INPP5A: variants seen among roughly 807,000 people sequenced by gnomAD.
INPP5A encodes the protein 43 kDa inositol polyphosphate 5-phophatase.
A neutral mutation model predicts 65.2 loss-of-function variants in INPP5A; 14 were observed. The ratio of observed to expected loss-of-function variants is 0.21; its 90% CI spans 0.14 to 0.34. The LOEUF is 0.34. Among genes scored for constraint, INPP5A ranks in the 10% least tolerant of loss-of-function variants. INPP5A has a pLI of 1.00. For synonymous variants in INPP5A, 207 were observed against 208.3 expected (o/e 0.99, Z 0.05); for missense variants, 431 against 545.6 (o/e 0.79, Z 2.09).
At chr10:132,656,802 TGCTCAGGTG>T (rs933451783) in intron 4 of INPP5A, among the ~76,000 whole-genome samples, 4 of 152,188 alleles carry the variant, frequency 2.6e-5, no homozygotes, top group African/African-American at 9.7e-5. Flanking sequence ...CTTCCACAGC[TGCTCAGGTG>T]GCCCGGAGGC....
chr10:132,562,212 A>T (rs2071214868), intron 1 of INPP5A, among the ~76,000 whole-genome samples: 1 of 152,240 alleles, frequency 6.6e-6, no homozygotes. Context: ...AGTTGGTGCC[A>T]GGCATGACCT....
At chr10:132,567,728 T>A (rs2071289626) in intron 1 of INPP5A, among the ~76,000 whole-genome samples, 1 of 152,210 alleles carries the variant, frequency 6.6e-6, no homozygotes, top group Non-Finnish European at 1.5e-5. Flanking sequence ...GTCCAACGAT[T>A]CCAGCTTTTT....
intron 1 of INPP5A, among the ~76,000 whole-genome samples, chr10:132,565,677 GTGTT>G (rs1564918179): frequency 1.3e-5 from 2 of 151,992 alleles, no homozygotes; most frequent in Non-Finnish European, 2.9e-5. Context: ...ATGTGTGGGT[GTGTT>G]TGTGTGAGTG....
intron 1 of INPP5A, among the ~76,000 whole-genome samples, chr10:132,589,061 A>G (rs1437308669): frequency 2.0e-5 from 3 of 149,764 alleles, no homozygotes; most frequent in African/African-American, 7.4e-5. Flanking sequence ...TGTCGCCATC[A>G]GTGGTCACTG....
chr10:132,766,120 C>CTGTGCATCTGTGTGTGCACG (rs879578793), intron 12 of INPP5A, among the ~76,000 whole-genome samples: 13 of 151,446 alleles, frequency 8.6e-5, no homozygotes, highest in East Asian at 2.0e-4. Context: ...GTGTGTGCAC[C>CTGTGCATCTGTGTGTGCACG]TGTGCATCTG....
intron 2 of INPP5A, among the ~76,000 whole-genome samples, chr10:132,624,537 C>T (rs1279349667): frequency 2.0e-5 from 3 of 150,910 alleles, no homozygotes; most frequent in Non-Finnish European, 4.4e-5. Flanking sequence ...TCTGCACTTC[C>T]CACTGGCGTG....
At chr10:132,750,173 G>A (rs777482672) in intron 11 of INPP5A, among the ~76,000 whole-genome samples, 2 of 152,256 alleles carry the variant, frequency 1.3e-5, no homozygotes, top group African/African-American at 4.8e-5. Context: ...AGAGTGAACC[G>A]GCCGGGCCTC....
chr10:132,717,299 G>A (rs1008796180), intron 8 of INPP5A, among the ~76,000 whole-genome samples: 3 of 151,614 alleles, frequency 2.0e-5, no homozygotes, highest in Admixed American at 6.6e-5. Context: ...TTGGGGCTCC[G>A]AGGCTGGGAC....
intron 11 of INPP5A, among the ~76,000 whole-genome samples, chr10:132,759,492 A>C (rs1846691630): frequency 6.6e-6 from 1 of 152,202 alleles, no homozygotes; most frequent in African/African-American, 2.4e-5. Context: ...ACCTGCACCA[A>C]CAGGCGTTAG....
intron 8 of INPP5A, among the ~76,000 whole-genome samples, chr10:132,717,169 G>C (rs1195755995): frequency 6.6e-6 from 1 of 152,246 alleles, no homozygotes; most frequent in Non-Finnish European, 1.5e-5. Flanking sequence ...GGTGGAGGGA[G>C]GGAGGGAGGG....
chr10:132,775,992 CAATGG>C (rs1353687924), intron 12 of INPP5A, among the ~76,000 whole-genome samples: 2 of 151,958 alleles, frequency 1.3e-5, no homozygotes, highest in African/African-American at 4.8e-5. Flanking sequence ...TGTGCGGATG[CAATGG>C]ACATGTGTCC....
chr10:132,701,923 G>A (rs1845443972), intron 6 of INPP5A, among the ~76,000 whole-genome samples: 1 of 152,250 alleles, frequency 6.6e-6, no homozygotes, highest in African/African-American at 2.4e-5. Context: ...GGAAATGAGG[G>A]TGGTACCTGT....
intron 4 of INPP5A, among the ~76,000 whole-genome samples, chr10:132,688,875 A>C (rs1003330206): frequency 6.6e-6 from 1 of 150,390 alleles, no homozygotes; most frequent in Non-Finnish European, 1.5e-5. Flanking sequence ...TTAGTGCATG[A>C]GTGTATGAGT....
At position 132,704,666 on chromosome 10, in the gene INPP5A, G is replaced by A. The variant is rs1027162909; in HGVS notation, c.475-3647G>A. 3.9e-5 allele frequency among the ~76,000 whole-genome samples: 6 copies of A among 152,068 alleles called. No individual in the cohort carries two copies. Among genetic ancestry groups the A allele is most frequent in the Admixed American group, 1.3e-4 (2 of 15,272 alleles). ...TGTGGATCCTGTGCGTGGCTGGGCC[G>A]TGGGGGGGCAGTGGCTGTTCCAGGT... On this transcript the variant is annotated intron_variant, in intron 6 of 15. Transcript: ENST00000368594. This position sits in a 1 kb window ranked among gnomAD's most constrained non-coding sequence, Gnocchi z 4.5.
intron 5 of INPP5A, 148 bp downstream of exon 5, chr10:132,690,603 C>G (rs1467441804): frequency 1.6e-6 from 1 of 626,010 alleles, no homozygotes; most frequent in Admixed American, 2.9e-5. Context: ...ACTCCAGGGG[C>G]CTCCTGGACC....
rs1252070344 is a variant in INPP5A at position 132,751,932 on chromosome 10, G to A, written c.903+2087G>A. Among the ~76,000 whole-genome samples, 4 of 135,498 alleles carry A rather than the reference G, an allele frequency of 3.0e-5. No homozygotes were observed. In the East Asian group the frequency reaches 8.6e-4, roughly 29 times the overall value. 88.9% of individuals were successfully genotyped at this position (135,498 alleles called of 152,430 possible). On this transcript the variant is annotated intron_variant, in intron 11 of 15. Transcript: ENST00000368594. ...GGTGCCCAGGAGGTGTCTGGGTAGA[G>A]GCGGGTGCCCAGGAGGCGTCTGCGT...
chr10:132,631,902 G>A (rs2072280107), intron 2 of INPP5A, among the ~76,000 whole-genome samples: 1 of 152,212 alleles, frequency 6.6e-6, no homozygotes. Context: ...TTTCACTGTA[G>A]AATTTTGGTG....
rs1310165035 is a variant in INPP5A, at chr10:132,538,950, A to T, written c.75+779A>T. Among the ~76,000 whole-genome samples the T allele has an allele frequency of 6.6e-6, 1 of 152,012 alleles. No homozygotes were observed. Among genetic ancestry groups the T allele is most frequent in the Non-Finnish European group, 1.5e-5 (1 of 67,988 alleles). Reference sequence around the variant, plus strand: ...CCTCAGGCCCCAGCTTATGGCCCTGAACACTTGTCCTTGACCCCTGAACCT... The same window carrying T: ...CCTCAGGCCCCAGCTTATGGCCCTGTACACTTGTCCTTGACCCCTGAACCT... On this transcript the variant is annotated intron_variant, in intron 1 of 15. Transcript: ENST00000368594. The surrounding 1 kb of genome is among the most constrained non-coding windows in gnomAD (Gnocchi z 4.1).
At position 132,637,009 on chromosome 10, in the gene INPP5A, C is replaced by T. The variant is rs945214185; in HGVS notation, c.118-8859C>T. Among the ~76,000 whole-genome samples, 1 of 152,182 alleles carries T rather than the reference C, an allele frequency of 6.6e-6. No homozygotes were observed. Among genetic ancestry groups the T allele is most frequent in the African/African-American group, 2.4e-5 (1 of 41,440 alleles). On this transcript the variant is annotated intron_variant, in intron 2 of 15. Transcript: ENST00000368594. The surrounding 1 kb of genome is among the most constrained non-coding windows in gnomAD (Gnocchi z 4.1). The stretch of plus-strand genomic sequence containing the variant: ...CTCAGCTCACTGAAACTTCCGCCTC[C>T]CGGGTTCAAGCGATTCTCCTGCCTC...
Sources: gnomAD v4.1 joint callset for allele counts (sites outside exome capture counted in the v4.1 genomes callset) on GRCh38, gnomAD v4.1.1 for gene constraint, Gnocchi (gnomAD v3.1) non-coding constraint, MANE v1.5 for transcripts, NCBI Gene and HGNC (gene_info 2026-07-23, HGNC 2026-07-21) for gene names.